Variants in SUPT6H observed in about 807,000 individuals in gnomAD.
SUPT6H encodes SPT6 homolog, histone chaperone and transcription elongation factor, also known as transcription elongation factor SPT6.
SUPT6H carries 11 observed loss-of-function variants against 222.3 expected under a neutral mutation model. That is an observed-to-expected ratio of 0.05 (90% CI 0.03 to 0.08). The LOEUF (loss-of-function observed/expected upper bound fraction) is 0.08. Ranked by LOEUF, SUPT6H falls within the 10% of genes least tolerant of loss-of-function variation. The pLI is 1.00. For synonymous variants in SUPT6H, 762 were observed against 801.2 expected (o/e 0.95, Z 0.83); for missense variants, 1,422 against 2,216.0 (o/e 0.64, Z 7.19).
intron 21 of SUPT6H, 26 bp downstream of exon 21, chr17:28,686,815 G>T: frequency 6.4e-7 from 1 of 1,566,252 alleles, no homozygotes; most frequent in Non-Finnish European, 8.6e-7. Context: ...CACCCTTAGG[G>T]CCTGCCCAGG....
chr17:28,691,104 G>C, intron 27 of SUPT6H, 41 bp downstream of exon 27: 2 of 1,595,552 alleles, frequency 1.3e-6, no homozygotes, highest in Non-Finnish European at 8.5e-7. Context: ...GATTTCCTTG[G>C]TTGAATGATC....
chr17:28,675,343 A>G, intron 5 of SUPT6H, 58 bp from the exon 6 acceptor site: 4 of 1,593,810 alleles, frequency 2.5e-6, no homozygotes, highest in Non-Finnish European at 3.4e-6. Flanking sequence ...GAACCAAAGC[A>G]ATTTAGTCCT....
chr17:28,681,454 G>A, intron 12 of SUPT6H, 50 bp downstream of exon 12: 1 of 1,536,844 alleles, frequency 6.5e-7, no homozygotes, highest in East Asian at 2.3e-5. Context: ...ATGCATGATG[G>A]CTCACGCATG....
chr17:28,686,724 T>C lies in SUPT6H; in HGVS notation c.2635T>C (p.Ser879Pro), dbSNP rs1469316441. 12 of 1,612,670 alleles carry C rather than the reference T, an allele frequency of 7.4e-6. No individual in the cohort carries two copies. The South Asian group carries it at 1.3e-4, about 18-fold the overall frequency. Residue 879 changes from serine to proline, a missense_variant, in exon 21 of 37, where the codon TCT becomes CCT. Around this residue, in one of 13 missense-constraint regions of SUPT6H, gnomAD observed 294 missense variants for 382.1 expected, o/e 0.77. Transcript: ENST00000314616. The stretch of plus-strand genomic sequence containing the variant: ...GCTGGACCAGGGCCAGCAGCTGTCA[T>C]CTATTGGGGTAGAGCTGGTTGACAA... The part of the protein sequence containing the change: ...HELDQGQQLS[S>P]IGVELVDNEL...
Position 28,677,737 on chromosome 17 carries a change from G to T in SUPT6H, c.920G>T (p.Gly307Val). The stretch of plus-strand genomic sequence containing the variant: ...CAGCTCCGCTCCATCCCAGTCAAGG[G>T]GGCTGAAGATGATGAACTAGAAGAA... The part of the protein sequence containing the change: ...RFQLRSIPVK[G>V]AEDDELEEEA... The change falls in exon 8 of 37, where the codon GGG becomes GTG. Residue 307 changes from glycine (G) to valine (V), a missense_variant. This residue lies in a region of SUPT6H where 389 missense variants were observed against 544.6 expected (regional missense o/e 0.71). Transcript: ENST00000314616. 6.2e-7 allele frequency: 1 copy of T among 1,614,212 alleles called. No individual in the cohort carries two copies. Among genetic ancestry groups the T allele is most frequent in the Non-Finnish European group, 8.5e-7 (1 of 1,180,038 alleles).
chr17:28,701,057 C>T lies in SUPT6H; in HGVS notation c.4923C>T (p.Ser1641=). ...CTCAGTACCACCAGCTCCAGGCCAG[C>T]ACCACCCCACAGTCGGCCCAGGCCC... ...TTPQYHQLQA[S]TTPQSAQAQP... is the part of the protein sequence containing the mutation. The change falls in exon 36 of 37, where the codon AGC becomes AGT. Residue 1641 remains serine (S), a synonymous_variant. Coordinates refer to ENST00000314616, the MANE Select transcript of SUPT6H (RefSeq NM_003170.5). 2 of 1,614,100 alleles carry T rather than the reference C, an allele frequency of 1.2e-6. No homozygotes were observed. Among genetic ancestry groups the T allele is most frequent in the Non-Finnish European group, 8.5e-7 (1 of 1,180,034 alleles).
Position 28,688,264 on chromosome 17 carries a change from C to T in SUPT6H, c.3134+46C>T, listed in dbSNP as rs1039493590. 1.3e-6 allele frequency: 2 copies of T among 1,589,554 alleles called. No homozygotes were observed. Among genetic ancestry groups the T allele is most frequent in the Non-Finnish European group, 1.7e-6 (2 of 1,166,928 alleles). ...GGGGCAGGAGGAATTCCCTTGTGGG[C>T]TTTGTTTTCGGGTTTCAGGGGTTAG... On this transcript the variant is annotated intron_variant, in intron 24 of 36. Coordinates refer to ENST00000314616, the MANE Select transcript of SUPT6H (RefSeq NM_003170.5). This position sits in a 1 kb window ranked among gnomAD's most constrained non-coding sequence, Gnocchi z 4.3.
rs551834752 is a variant in SUPT6H at position 28,689,953 on chromosome 17, T to G, written c.3343-129T>G. 2.3e-4 allele frequency: 281 copies of G among 1,233,902 alleles called. 1 individual carries two copies. In the African/African-American group the frequency reaches 4.0e-3, roughly 18 times the overall value. The allele number at this position is 1,233,902 out of a possible 1,614,324, so 76.4% of individuals were successfully genotyped here. A position where few individuals can be genotyped will look rare whatever the true frequency, so the allele number is the denominator to read the frequency against. ...GAAAACCACCTTTAGTAAATGTTGA[T>G]GGAAAGAAAAGAAGAAGCCCTGACA... On this transcript the variant is annotated intron_variant, in intron 25 of 36. Coordinates refer to ENST00000314616, the MANE Select transcript of SUPT6H (RefSeq NM_003170.5).
Position 28,701,157 on chromosome 17 carries a change from G to A in SUPT6H, c.4994+29G>A, listed in dbSNP as rs1299628912. On this transcript the variant is annotated intron_variant, in intron 36 of 36. Coordinates refer to ENST00000314616, the MANE Select transcript of SUPT6H (RefSeq NM_003170.5). ...AGTATCTGGATGGTGGCACAGTGCA[G>A]GTCAGTGGTAGGGGCAGGTGTTGTC... The A allele has an allele frequency of 5.7e-6, 9 of 1,585,154 alleles. No individual in the cohort carries two copies. The African/African-American group carries it at 9.4e-5, about 17-fold the overall frequency.
rs770523797 is a variant in SUPT6H, at chr17:28,678,935, C to T, written c.1321C>T (p.Arg441Trp). 2.5e-6 allele frequency: 4 copies of T among 1,614,206 alleles called. No homozygotes were observed. Among genetic ancestry groups the T allele is most frequent in the African/African-American group, 1.3e-5 (1 of 75,054 alleles). ...DPDKPLADGI[R>W]ALDTTDMERL... ...TGACAAACCTCTTGCTGATGGCATC[C>T]GGGCTCTGGACACCACTGACATGGA... is the stretch of plus-strand genomic sequence containing the variant. Residue 441 changes from arginine to tryptophan, a missense_variant, in exon 11 of 37, where the codon CGG (arginine) becomes TGG (tryptophan). This residue lies in a region of SUPT6H where 389 missense variants were observed against 544.6 expected (regional missense o/e 0.71). Transcript: ENST00000314616.
chr17:28,687,294 A>T lies in SUPT6H; in HGVS notation c.2839-10A>T. The T allele has an allele frequency of 6.2e-7, 1 of 1,614,120 alleles. No individual in the cohort carries two copies. Among genetic ancestry groups the T allele is most frequent in the South Asian group, 1.1e-5 (1 of 91,076 alleles). ...GAGTAACCTTACTCCTGCCTGCTGA[A>T]TGTCCACAGGAGCATGTGGTGAAAG... On this transcript the variant is annotated splice_polypyrimidine_tract_variant and intron_variant, in intron 22 of 36. Transcript: ENST00000314616.
chr17:28,690,003 C>T, intron 25 of SUPT6H, 79 bp from the exon 26 acceptor site: 3 of 1,525,602 alleles, frequency 2.0e-6, no homozygotes, highest in Non-Finnish European at 2.7e-6. Flanking sequence ...TCTGGAGAGG[C>T]CCGCCCCTTC....
Position 28,695,505 on chromosome 17 carries a change from C to T in SUPT6H, c.3928C>T (p.His1310Tyr), listed in dbSNP as rs756560241. 2.5e-6 allele frequency: 4 copies of T among 1,613,928 alleles called. No homozygotes were observed. The highest frequency in any genetic ancestry group is 1.1e-5 in the South Asian group (1 of 91,070). Reference sequence around the variant, plus strand: ...TGACTTTGATGCTGAAGCTGCAGACCACAAGCAGGAGGAGGACATGAAGCG... The same window carrying T: ...TGACTTTGATGCTGAAGCTGCAGACTACAAGCAGGAGGAGGACATGAAGCG... ...YYDFDAEAAD[H>Y]KQEEDMKRKQ... The change falls in exon 29 of 37, where the codon CAC (histidine) becomes TAC (tyrosine). Residue 1310 changes from histidine to tyrosine, a missense_variant. By Grantham distance (83) the His-to-Tyr change is moderately conservative. Coordinates refer to ENST00000314616, the MANE Select transcript of SUPT6H (RefSeq NM_003170.5).
Position 28,700,946 on chromosome 17 carries a change from C to T in SUPT6H, c.4812C>T (p.Phe1604=). 1 of 1,611,060 alleles carries T rather than the reference C, an allele frequency of 6.2e-7. No homozygotes were observed. The highest frequency in any genetic ancestry group is 8.5e-7 in the Non-Finnish European group (1 of 1,177,692). ...AACTGTTCATGCCTCTCCAGGTATTCCCAACGCCAGCCCAGCAGCCAGTGG... is the reference window on the plus strand; with the variant it reads ...AACTGTTCATGCCTCTCCAGGTATTTCCAACGCCAGCCCAGCAGCCAGTGG... ...SGGGSSAYHV[F]PTPAQQPVAT... Residue 1604 remains phenylalanine (F), a synonymous_variant, in exon 36 of 37, where the codon TTC becomes TTT. Coordinates refer to ENST00000314616, the MANE Select transcript of SUPT6H (RefSeq NM_003170.5).
chr17:28,678,430 C>A, intron 9 of SUPT6H, 115 bp from the exon 10 acceptor site: 1 of 1,092,380 alleles, frequency 9.2e-7, no homozygotes, highest in Non-Finnish European at 1.4e-6. Flanking sequence ...GGAGGCCAGG[C>A]TTCTGACTGT....
chr17:28,690,635 G>A (rs917442774), intron 26 of SUPT6H, among the ~76,000 whole-genome samples: 17 of 152,242 alleles, frequency 1.1e-4, no homozygotes, highest in African/African-American at 2.9e-4. Context: ...TTAGCTGAGC[G>A]TGGTGGTGGG....
In SUPT6H at chr17:28,691,078, A is replaced by G. The variant is rs28548383; in HGVS notation, c.3633+15A>G. Reference sequence around the variant, plus strand: ...AACTAAGCGAGGTGTGTGCTGCAGCATTATCCTGCTCAGTGGATTTCCTTG... The same window carrying G: ...AACTAAGCGAGGTGTGTGCTGCAGCGTTATCCTGCTCAGTGGATTTCCTTG... On this transcript the variant is annotated intron_variant, in intron 27 of 36. Transcript: ENST00000314616. The G allele has an allele frequency of 0.095, 152,762 of 1,610,774 alleles. 7,905 individuals are homozygous for G. Among genetic ancestry groups the G allele is most frequent in the South Asian group, 0.15 (13,929 of 90,434 alleles).
chr17:28,693,954 G>C, intron 28 of SUPT6H, 118 bp downstream of exon 28: 1 of 1,376,460 alleles, frequency 7.3e-7, no homozygotes, highest in Non-Finnish European at 1.0e-6. Context: ...CTGCTGGTGG[G>C]AAGTGTTTCA....
At chr17:28,682,249 TATAAC>T (rs2031152946) in intron 13 of SUPT6H, 1 of 401,442 alleles carries the variant, frequency 2.5e-6, no homozygotes. Flanking sequence ...TCTTCTGCCT[TATAAC>T]AGCCCATCAA....
Sources: gnomAD v4.1 joint callset for allele counts (sites outside exome capture counted in the v4.1 genomes callset) on GRCh38, gnomAD v4.1.1 for gene constraint, gnomAD v4.1.1 regional missense constraint, Gnocchi (gnomAD v3.1) non-coding constraint, MANE v1.5 for transcripts, NCBI Gene and HGNC (gene_info 2026-07-23, HGNC 2026-07-21) for gene names.